The following GPR158 variants were observed in gnomAD, a reference collection of about 807,000 sequenced individuals.
The protein encoded by GPR158 is G protein-coupled receptor 158.
GPR158 carries 30 observed loss-of-function variants against 78.2 expected under a neutral mutation model. The ratio of observed to expected loss-of-function variants is 0.38; its 90% CI spans 0.29 to 0.52. The LOEUF (loss-of-function observed/expected upper bound fraction) is 0.52. Ranked by LOEUF, GPR158 falls within the 20% of genes least tolerant of loss-of-function variation. The probability of loss-of-function intolerance (pLI) is 0.83; values close to 1 mark genes in which losing one functional copy is unlikely to be tolerated. For synonymous variants in GPR158, 581 were observed against 591.1 expected (o/e 0.98, Z 0.25); for missense variants, 1,463 against 1,523.5 (o/e 0.96, Z 0.66).
chr10:25,449,184 C>T (rs1308782292), intron 4 of GPR158, among the ~76,000 whole-genome samples: 5 of 152,184 alleles, frequency 3.3e-5, no homozygotes, highest in Non-Finnish European at 5.9e-5. Flanking sequence ...TTCCTATAAT[C>T]AAATCTTATG....
intron 2 of GPR158, among the ~76,000 whole-genome samples, chr10:25,256,594 A>G (rs1422846773): frequency 5.3e-5 from 8 of 151,824 alleles, no homozygotes; most frequent in African/African-American, 1.7e-4. Context: ...CTGAGGCGGT[A>G]GGAGTGCTTG....
chr10:25,572,124 C>G (rs963743894), intron 6 of GPR158, among the ~76,000 whole-genome samples: 11 of 152,074 alleles, frequency 7.2e-5, no homozygotes, highest in African/African-American at 2.4e-4. Flanking sequence ...CCCCAGAAAC[C>G]TTGTTTGAGC....
At chr10:25,417,985 C>T (rs1298589533) in intron 4 of GPR158, among the ~76,000 whole-genome samples, 1 of 152,140 alleles carries the variant, frequency 6.6e-6, no homozygotes, top group Non-Finnish European at 1.5e-5. Context: ...GGAACTGAGG[C>T]CCCTTTTATT....
intron 2 of GPR158, among the ~76,000 whole-genome samples, chr10:25,259,100 G>T (rs1288237487): frequency 6.6e-6 from 1 of 152,144 alleles, no homozygotes; most frequent in Admixed American, 6.6e-5. Flanking sequence ...GGAGGAGGAG[G>T]AAGAGGAGGG....
chr10:25,246,560 A>G (rs1853692224), intron 2 of GPR158, among the ~76,000 whole-genome samples: 1 of 152,210 alleles, frequency 6.6e-6, no homozygotes, highest in Admixed American at 6.5e-5. Flanking sequence ...TGAGCTGAGC[A>G]TTATCGGGGG....
intron 4 of GPR158, among the ~76,000 whole-genome samples, chr10:25,433,547 T>TTGTGTGTGTGTGTGTG (rs1554803583): frequency 1.0e-5 from 1 of 96,330 alleles, no homozygotes; most frequent in African/African-American, 2.8e-5. Context: ...TGTGTGTGTG[T>TTGTGTGTGTGTGTGTG]TGTGTGTGTG....
intron 1 of GPR158, among the ~76,000 whole-genome samples, chr10:25,218,199 G>C (rs1853246935): frequency 6.6e-6 from 1 of 152,012 alleles, no homozygotes. Context: ...TAAGTCTCTG[G>C]GCGCCCAGGC....
In GPR158 at chr10:25,598,508, C is replaced by T. The variant is rs760992087; in HGVS notation, c.2882C>T (p.Ser961Leu). ...TETKDPAPQN[S>L]NPAEEPRKPQ... Reference sequence around the variant, plus strand: ...ACTAAAGATCCTGCCCCCCAAAACTCAAATCCTGCGGAGGAGCCAAGAAAG... The same window carrying T: ...ACTAAAGATCCTGCCCCCCAAAACTTAAATCCTGCGGAGGAGCCAAGAAAG... Residue 961 changes from serine to leucine, a missense_variant, in exon 11 of 11, where the codon TCA becomes TTA. Transcript: ENST00000376351. The T allele has an allele frequency of 3.7e-6, 6 of 1,612,942 alleles. No homozygotes were observed. Among genetic ancestry groups the T allele is most frequent in the Middle Eastern group, 1.6e-4 (1 of 6,076 alleles).
At chr10:25,329,686 A>G (rs1048327710) in intron 2 of GPR158, among the ~76,000 whole-genome samples, 1 of 151,834 alleles carries the variant, frequency 6.6e-6, no homozygotes, top group Non-Finnish European at 1.5e-5. Context: ...AGACAAATCC[A>G]TTCTCTACAA....
intron 3 of GPR158, among the ~76,000 whole-genome samples, chr10:25,406,696 GTTTTC>G (rs1431098941): frequency 6.6e-6 from 1 of 152,066 alleles, no homozygotes; most frequent in Non-Finnish European, 1.5e-5. Context: ...GTTATAATTT[GTTTTC>G]TTTTCCATCT....
chr10:25,402,282 A>G (rs1355597690), intron 3 of GPR158, among the ~76,000 whole-genome samples: 4 of 152,136 alleles, frequency 2.6e-5, no homozygotes, highest in Admixed American at 2.6e-4. Flanking sequence ...AGTCGAAAAG[A>G]ACAAAGAAAT....
At chr10:25,229,962 T>C (rs1853427021) in intron 2 of GPR158, among the ~76,000 whole-genome samples, 1 of 152,176 alleles carries the variant, frequency 6.6e-6, no homozygotes, top group Non-Finnish European at 1.5e-5. Flanking sequence ...TAGGAAGTGA[T>C]TGAATGGACT....
intron 8 of GPR158, 60 bp from the exon 9 acceptor site, chr10:25,594,232 C>G (rs1588928110): frequency 1.2e-6 from 1 of 856,516 alleles, no homozygotes; most frequent in East Asian, 2.4e-5. Flanking sequence ...CCCAAGTAAT[C>G]CTAGTGTTCT....
At chr10:25,528,329 A>G (rs1173097429) in intron 5 of GPR158, among the ~76,000 whole-genome samples, 1 of 151,980 alleles carries the variant, frequency 6.6e-6, no homozygotes, top group East Asian at 1.9e-4. Flanking sequence ...GGATCTATAT[A>G]TATATAGATA....
At position 25,435,079 on chromosome 10, in the gene GPR158, A is replaced by T. The variant is rs537481927; in HGVS notation, c.1335+22606A>T. 7.2e-5 allele frequency among the ~76,000 whole-genome samples: 11 copies of T among 152,300 alleles called. No homozygotes were observed. In the East Asian group the frequency reaches 2.1e-3, roughly 29 times the overall value. On this transcript the variant is annotated intron_variant, in intron 4 of 10. Coordinates refer to ENST00000376351, the MANE Select transcript of GPR158 (RefSeq NM_020752.3). ...TTGTTGAGCTATCTAAGGATGTTAG[A>T]CATGTGGTCTGGCAGTACACAAATA...
chr10:25,433,764 C>T (rs1267535720), intron 4 of GPR158, among the ~76,000 whole-genome samples: 9 of 143,118 alleles, frequency 6.3e-5, no homozygotes, highest in Non-Finnish European at 1.2e-4. Context: ...AACTCCTGGC[C>T]TCAAGTGATC....
At chr10:25,323,223 T>C (rs1311567334) in intron 2 of GPR158, among the ~76,000 whole-genome samples, 1 of 152,204 alleles carries the variant, frequency 6.6e-6, no homozygotes, top group Admixed American at 6.5e-5. Flanking sequence ...CTATACACAA[T>C]GCTGTCATTT....
At chr10:25,259,062 C>G (rs1275624102) in intron 2 of GPR158, among the ~76,000 whole-genome samples, 3 of 152,090 alleles carry the variant, frequency 2.0e-5, no homozygotes, top group Non-Finnish European at 4.4e-5. Context: ...TCCACTTCCA[C>G]CTGTCATCTT....
chr10:25,497,707 G>A (rs1016561520), intron 5 of GPR158, among the ~76,000 whole-genome samples: 1 of 152,160 alleles, frequency 6.6e-6, no homozygotes, highest in South Asian at 2.1e-4. Flanking sequence ...AAATGGTGAA[G>A]AAGGGATAAA....
Sources: allele counts gnomAD v4.1 joint callset (sites outside exome capture counted in the v4.1 genomes callset), GRCh38; gene constraint gnomAD v4.1.1; transcripts MANE v1.5; gene names NCBI Gene and HGNC (gene_info 2026-07-23, HGNC 2026-07-21).